Variants in RUFY3 observed in about 807,000 individuals in gnomAD.
RUFY3 encodes protein RUFY3.
RUFY3 carries 34 observed loss-of-function variants against 84.0 expected under a neutral mutation model. That is an observed-to-expected ratio of 0.40 (90% CI 0.31 to 0.54). The LOEUF (loss-of-function observed/expected upper bound fraction) is 0.54, where lower values mean the gene tolerates loss of function less well. Ranked by LOEUF, RUFY3 falls within the 20% of genes least tolerant of loss-of-function variation. The pLI is 0.39. For synonymous variants in RUFY3, 242 were observed against 252.9 expected (o/e 0.96, Z 0.41); for missense variants, 507 against 736.8 (o/e 0.69, Z 3.61).
intron 16 of RUFY3, among the ~76,000 whole-genome samples, chr4:70,803,594 C>T (rs557637907): frequency 6.6e-6 from 1 of 152,192 alleles, no homozygotes; most frequent in South Asian, 2.1e-4. Flanking sequence ...GCTAGGGCTG[C>T]AGAGATTAGG....
chr4:70,775,033 T>A, intron 6 of RUFY3, 135 bp from the exon 7 acceptor site: 2 of 525,182 alleles, frequency 3.8e-6, no homozygotes, highest in South Asian at 6.6e-5. Context: ...TTACATCAAA[T>A]CTGTCTTATG....
chr4:70,751,617 A>G (rs1393974587), intron 1 of RUFY3, among the ~76,000 whole-genome samples: 1 of 152,198 alleles, frequency 6.6e-6, no homozygotes, highest in Non-Finnish European at 1.5e-5. Flanking sequence ...TTCTGTTGTT[A>G]AATCATAATA....
intron 1 of RUFY3, among the ~76,000 whole-genome samples, chr4:70,743,248 T>C (rs1318792203): frequency 6.6e-6 from 1 of 151,968 alleles, no homozygotes; most frequent in Non-Finnish European, 1.5e-5. Flanking sequence ...TTTTTTGTGT[T>C]TTTAGTAGAG....
chr4:70,758,055 C>G (rs1413479288), intron 1 of RUFY3, among the ~76,000 whole-genome samples: 1 of 152,000 alleles, frequency 6.6e-6, no homozygotes, highest in Non-Finnish European at 1.5e-5. Context: ...GTTAAAAGTA[C>G]AAAATACACA....
At chr4:70,760,079 G>C (rs191661728) in intron 1 of RUFY3, among the ~76,000 whole-genome samples, 12 of 152,332 alleles carry the variant, frequency 7.9e-5, no homozygotes, top group Non-Finnish European at 7.4e-5. Flanking sequence ...AGTTTAAATA[G>C]ATTGTAGCAC....
At chr4:70,705,455 G>T (rs957134559) in intron 1 of RUFY3, among the ~76,000 whole-genome samples, 1 of 152,130 alleles carries the variant, frequency 6.6e-6, no homozygotes, top group African/African-American at 2.4e-5. Flanking sequence ...CTGTTCTCCC[G>T]AGGCGCCCGG....
Position 70,794,891 on chromosome 4 carries a change from G to T in RUFY3, c.1554G>T (p.Lys518Asn), listed in dbSNP as rs369064831. ...GGGGTTCCCAGAAGTCAGAATCCAA[G>T]ATGGTAATATTTGCTATTCCCTTGT... ...PGRGSQKSES[K>N]MDGKHKMQEE... Residue 518 changes from lysine to asparagine, a missense_variant, in exon 14 of 18, where the codon AAG becomes AAT. Lys to Asn is a moderately conservative substitution (Grantham distance 94, BLOSUM62 0). Transcript: ENST00000381006. The T allele has an allele frequency of 1.3e-6, 2 of 1,584,626 alleles. No homozygotes were observed. The highest frequency in any genetic ancestry group is 1.7e-6 in the Non-Finnish European group (2 of 1,155,146).
chr4:70,762,406 C>T, intron 1 of RUFY3, 113 bp from the exon 2 acceptor site: 1 of 883,682 alleles, frequency 1.1e-6, no homozygotes, highest in Non-Finnish European at 1.7e-6. Context: ...TTAAAGGAAA[C>T]TGGCATTTTT....
At chr4:70,768,171 A>G (rs544206900) in intron 4 of RUFY3, among the ~76,000 whole-genome samples, 3 of 152,290 alleles carry the variant, frequency 2.0e-5, no homozygotes, top group South Asian at 4.1e-4. Flanking sequence ...AAAGATTGCA[A>G]AATTATCTGA....
At chr4:70,767,008 A>G (rs564135575) in intron 4 of RUFY3, among the ~76,000 whole-genome samples, 31 of 152,236 alleles carry the variant, frequency 2.0e-4, no homozygotes, top group Admixed American at 1.8e-3. Flanking sequence ...TGGGAATCAT[A>G]GAGTATATGG....
At chr4:70,738,923 G>A (rs1288659456) in intron 1 of RUFY3, among the ~76,000 whole-genome samples, 1 of 151,538 alleles carries the variant, frequency 6.6e-6, no homozygotes, top group Non-Finnish European at 1.5e-5. Context: ...CCTATATTGA[G>A]TAGGCTGTTC....
chr4:70,765,819 G>A (rs944994916), intron 4 of RUFY3, among the ~76,000 whole-genome samples: 2 of 150,358 alleles, frequency 1.3e-5, no homozygotes, highest in African/African-American at 4.9e-5. Flanking sequence ...CTGTAGTGCA[G>A]TGGCGCTATC....
At chr4:70,802,866 AT>A (rs1264770970) in intron 15 of RUFY3, 89 bp from the exon 16 acceptor site, 33 of 899,210 alleles carry the variant, frequency 3.7e-5, no homozygotes, top group Middle Eastern at 2.2e-4. Flanking sequence ...TTTGAAAAAA[AT>A]GTTTGTATTC....
Position 70,802,962 on chromosome 4 carries a change from A to T in RUFY3, c.1629A>T (p.Gln543His). Residue 543 changes from glutamine (Q) to histidine (H), a missense_variant, in exon 16 of 18, where the codon CAA becomes CAT. Transcript: ENST00000381006. ...TTTTACTTCTCCATTGTAGGCTGCA[A>T]CCCCACCCTATGGATGAACAGGTAA... ...KKPLEESHRLQPHPMDEQDQL... is the reference protein window; with the variant it reads ...KKPLEESHRLHPHPMDEQDQL... 6.2e-7 allele frequency: 1 copy of T among 1,607,430 alleles called. No homozygotes were observed.
intron 8 of RUFY3, among the ~76,000 whole-genome samples, chr4:70,781,478 C>CAAAT (rs1197229809): frequency 1.3e-5 from 2 of 152,102 alleles, no homozygotes; most frequent in Non-Finnish European, 2.9e-5. Flanking sequence ...GACCCTGTCT[C>CAAAT]AAATAAATAA....
rs529699624 is a variant in RUFY3, at chr4:70,801,091, A to G, written c.1622+886A>G. Reference sequence around the variant, plus strand: ...GGTTAGAAATATAATTAAATATTACATAGTGCCACTGCATTAAAAAGTGAA... The same window carrying G: ...GGTTAGAAATATAATTAAATATTACGTAGTGCCACTGCATTAAAAAGTGAA... On this transcript the variant is annotated intron_variant, in intron 15 of 17. Transcript: ENST00000381006. Among the ~76,000 whole-genome samples the G allele has an allele frequency of 2.0e-5, 3 of 151,928 alleles. No homozygotes were observed. In the South Asian group the frequency reaches 6.3e-4, roughly 32 times the overall value.
chr4:70,779,762 G>T (rs892740840), intron 8 of RUFY3, among the ~76,000 whole-genome samples: 35 of 151,656 alleles, frequency 2.3e-4, no homozygotes, highest in Non-Finnish European at 2.9e-5. Context: ...TTAGTAGAGA[G>T]GGGGTCTTGC....
At position 70,768,144 on chromosome 4, in the gene RUFY3, A is replaced by G. The variant is rs187380301; in HGVS notation, c.573-394A>G. 1.3e-5 allele frequency among the ~76,000 whole-genome samples: 2 copies of G among 152,274 alleles called. 1 individual carries two copies. Among genetic ancestry groups the G allele is most frequent in the African/African-American group, 4.8e-5 (2 of 41,564 alleles). ...ACCACCATGCCGAGCTACCAAACAA[A>G]TGTTTTAAGATGCATAAAAGATTGC... On this transcript the variant is annotated intron_variant, in intron 4 of 17. Coordinates refer to ENST00000381006, the MANE Select transcript of RUFY3 (RefSeq NM_001037442.4).
intron 6 of RUFY3, among the ~76,000 whole-genome samples, chr4:70,774,498 C>T (rs1455923738): frequency 8.8e-5 from 13 of 147,774 alleles, no homozygotes; most frequent in African/African-American, 3.2e-4. Flanking sequence ...GCCTGTAATC[C>T]CAGCTACTTG....
Sources: gnomAD v4.1 joint callset for allele counts (sites outside exome capture counted in the v4.1 genomes callset) on GRCh38, gnomAD v4.1.1 for gene constraint, MANE v1.5 for transcripts, NCBI Gene and HGNC (gene_info 2026-07-23, HGNC 2026-07-21) for gene names.